FAAH2: variants seen among roughly 807,000 people sequenced by gnomAD.
The protein encoded by FAAH2 is fatty-acid amide hydrolase 2.
In FAAH2, 60 loss-of-function variants were observed where a neutral mutation model predicts 36.9. That is an observed-to-expected ratio of 1.63 (90% CI 1.32 to 2.02). FAAH2 has a LOEUF of 2.02. FAAH2 is among the 30% of genes most tolerant of loss of function. The pLI, the probability that FAAH2 is intolerant of heterozygous loss-of-function variation, is 0.00. For synonymous variants in FAAH2, 214 were observed against 143.8 expected (o/e 1.49, Z -3.49); for missense variants, 689 against 397.5 (o/e 1.73, Z -6.23).
Position 57,489,013 on chromosome X carries a change from C to G in FAAH2, c.*81C>G. 2 of 967,822 alleles carry G rather than the reference C, an allele frequency of 2.1e-6. No homozygotes were observed. Among genetic ancestry groups the G allele is most frequent in the Non-Finnish European group, 2.8e-6 (2 of 726,548 alleles). The allele number at this position is 967,822 out of a possible 1,213,427, so 79.8% of individuals were successfully genotyped here. ...TCTATTAATTGGGTGAAATCAAGCA[C>G]CAGCAGACAAGCAGAGAAACAACTG... is the stretch of plus-strand genomic sequence containing the variant. On this transcript the variant is annotated 3_prime_UTR_variant, in exon 11 of 11. Transcript: ENST00000374900.
chrX:57,162,689 T>C, the FAAH2 span, among the ~76,000 whole-genome samples: 10 of 112,408 alleles, frequency 8.9e-5, no homozygotes, highest in African/African-American at 2.6e-4. Context: ...ACGTAGTTCT[T>C]GAGCCTTGGT....
chrX:57,252,380 G>C, the FAAH2 span, among the ~76,000 whole-genome samples: 3 of 112,425 alleles, frequency 2.7e-5, no homozygotes, highest in Non-Finnish European at 5.6e-5. Context: ...GCTCTGAAGA[G>C]AGCAGTGATT....
chrX:57,334,472 A>G (rs746746085), intron 4 of FAAH2, among the ~76,000 whole-genome samples: 1 of 110,853 alleles, frequency 9.0e-6, no homozygotes, highest in Non-Finnish European at 1.9e-5. Flanking sequence ...GATGTTCTTC[A>G]TAGAGAAAAA....
chrX:57,480,702 G>T (rs982534099), intron 10 of FAAH2, among the ~76,000 whole-genome samples: 2 of 110,757 alleles, frequency 1.8e-5, no homozygotes, highest in African/African-American at 6.6e-5. Flanking sequence ...GGAGAATCTG[G>T]CGATTAGGTG....
At chrX:57,200,379 C>CTT in the FAAH2 span, among the ~76,000 whole-genome samples, 7 of 82,526 alleles carry the variant, frequency 8.5e-5, no homozygotes, top group Non-Finnish European at 1.1e-4. Context: ...CATACTTTCA[C>CTT]TTTTTTTTTT....
chrX:57,209,950 T>C, the FAAH2 span, among the ~76,000 whole-genome samples: 20 of 110,566 alleles, frequency 1.8e-4, no homozygotes, highest in African/African-American at 6.3e-4. Flanking sequence ...ATGTGGTTTT[T>C]TTTTTTATGT....
At chrX:57,379,806 T>C (rs2054791297) in intron 6 of FAAH2, among the ~76,000 whole-genome samples, 1 of 53,309 alleles carries the variant, frequency 1.9e-5, no homozygotes, top group Admixed American at 3.2e-4. Flanking sequence ...CTTGCCAAAG[T>C]CCCTGAATTT....
At chrX:57,452,516 A>G (rs772944898) in intron 10 of FAAH2, among the ~76,000 whole-genome samples, 1 of 112,810 alleles carries the variant, frequency 8.9e-6, no homozygotes, top group South Asian at 3.6e-4. Flanking sequence ...ATTCTACTTA[A>G]CAAAATAATC....
chrX:57,242,373 G>T, the FAAH2 span, among the ~76,000 whole-genome samples: 1 of 112,279 alleles, frequency 8.9e-6, no homozygotes, highest in Non-Finnish European at 1.9e-5. Flanking sequence ...GGGCCTGATT[G>T]TTAGAAGAAA....
At chrX:57,124,364 T>A in the FAAH2 span, among the ~76,000 whole-genome samples, 10 of 111,709 alleles carry the variant, frequency 9.0e-5, no homozygotes, top group African/African-American at 3.3e-4. Context: ...TTGGTCTATA[T>A]CTCTGTTTTG....
Position 57,479,038 on chromosome X carries a change from G to C in FAAH2, c.1424-9719G>C, listed in dbSNP as rs777993595. ...AATTCTGTGAAGAAAGACATTGGTA[G>C]CTTGATGGGGATGGCAATGAATGTA... On this transcript the variant is annotated intron_variant, in intron 10 of 10. Transcript: ENST00000374900. Among the ~76,000 whole-genome samples, 164 of 111,497 alleles carry C rather than the reference G, an allele frequency of 1.5e-3. No individual in the cohort carries two copies. The Middle Eastern group carries it at 0.032, about 22-fold the overall frequency.
chrX:57,471,762 C>CA (rs1423468397), intron 10 of FAAH2, among the ~76,000 whole-genome samples: 3 of 111,249 alleles, frequency 2.7e-5, no homozygotes, highest in Non-Finnish European at 5.7e-5. Context: ...CATATGAAAC[C>CA]AAAAAAGAGC....
chrX:57,169,860 C>T, the FAAH2 span, among the ~76,000 whole-genome samples: 1 of 106,666 alleles, frequency 9.4e-6, no homozygotes, highest in African/African-American at 3.4e-5. Context: ...CTCTCTCTCT[C>T]TCCTTCTAAA....
intron 2 of FAAH2, among the ~76,000 whole-genome samples, chrX:57,302,198 A>C (rs2052393243): frequency 8.9e-6 from 1 of 111,866 alleles, no homozygotes; most frequent in Non-Finnish European, 1.9e-5. Context: ...ACAGAATCAC[A>C]CAGACCTGGG....
At chrX:57,277,463 TATC>T in the FAAH2 span, among the ~76,000 whole-genome samples, 2 of 111,796 alleles carry the variant, frequency 1.8e-5, no homozygotes. Context: ...CCACAGCCAA[TATC>T]ATACTGAATG....
At chrX:57,314,459 G>A (rs1176095551) in intron 3 of FAAH2, among the ~76,000 whole-genome samples, 1 of 111,327 alleles carries the variant, frequency 9.0e-6, no homozygotes, top group Non-Finnish European at 1.9e-5. Context: ...TGTACATGGA[G>A]CATACTCTAC....
the FAAH2 span, among the ~76,000 whole-genome samples, chrX:57,216,594 A>ATG: frequency 4.4e-5 from 2 of 45,451 alleles, no homozygotes; most frequent in Admixed American, 2.5e-4. Flanking sequence ...ATATGTATAT[A>ATG]TATGTATATA....
At chrX:57,449,951 C>A (rs937681166) in intron 10 of FAAH2, among the ~76,000 whole-genome samples, 1 of 111,813 alleles carries the variant, frequency 8.9e-6, no homozygotes, top group African/African-American at 3.3e-5. Context: ...CATACATGAG[C>A]CACCATGCCT....
intron 5 of FAAH2, among the ~76,000 whole-genome samples, chrX:57,378,100 T>A (rs1298645949): frequency 8.9e-6 from 1 of 111,944 alleles, no homozygotes; most frequent in Non-Finnish European, 1.9e-5. Context: ...AATCTGGTTA[T>A]CCATCTGGCA....
Sources: gnomAD v4.1 joint callset for allele counts (sites outside exome capture counted in the v4.1 genomes callset) on GRCh38, gnomAD v4.1.1 for gene constraint, MANE v1.5 for transcripts, NCBI Gene and HGNC (gene_info 2026-07-23, HGNC 2026-07-21) for gene names.